The following IGFN1 variants were observed in gnomAD, a reference collection of about 807,000 sequenced individuals.
IGFN1 encodes immunoglobulin like and fibronectin type III domain containing 1, also known as immunoglobulin-like and fibronectin type III domain-containing protein 1.
Under a neutral mutation model 289.5 loss-of-function variants are expected in IGFN1, and 253 were observed. The ratio of observed to expected loss-of-function variants is 0.87; its 90% CI spans 0.79 to 0.97. The LOEUF (loss-of-function observed/expected upper bound fraction) is 0.97, where lower values mean the gene tolerates loss of function less well. Among genes scored for constraint, IGFN1 ranks in the 50% least tolerant of loss-of-function variants. The probability of loss-of-function intolerance (pLI) is 0.00; values close to 1 mark genes in which losing one functional copy is unlikely to be tolerated. For missense variants in IGFN1, 4,470 were observed against 4,686.1 expected (o/e 0.95, Z 1.35); for synonymous variants, 1,706 against 1,788.5 (o/e 0.95, Z 1.16).
intron 17 of IGFN1, 40 bp from the exon 18 acceptor site, chr1:201,218,490 C>T: frequency 1.3e-6 from 2 of 1,594,824 alleles, no homozygotes; most frequent in Middle Eastern, 2.0e-4. Context: ...CCATGTCCAG[C>T]ACCATCAGGG....
chr1:201,217,553 G>A (rs1246318028), intron 17 of IGFN1, 93 bp downstream of exon 17: 14 of 1,352,076 alleles, frequency 1.0e-5, no homozygotes, highest in Middle Eastern at 1.9e-4. Context: ...TAATACAGTC[G>A]TTCTCGTCTA....
Position 201,213,599 on chromosome 1 carries a change from C to T in IGFN1, c.8706C>T (p.Gly2902=). 1 of 1,613,736 alleles carries T rather than the reference C, an allele frequency of 6.2e-7. No individual in the cohort carries two copies. The highest frequency in any genetic ancestry group is 8.5e-7 in the Non-Finnish European group (1 of 1,179,768). The change falls in exon 12 of 24, where the codon GGC becomes GGT. Residue 2902 remains glycine, a synonymous_variant. Transcript: ENST00000335211. ...SSTSRYKPGT[G]SFSKDAQGPM... ...CATCCAGATACAAGCCTGGCACTGGCAGTTTCTCCAAGGATGCCCAAGGTA... is the reference window on the plus strand; with the variant it reads ...CATCCAGATACAAGCCTGGCACTGGTAGTTTCTCCAAGGATGCCCAAGGTA...
chr1:201,228,165 C>T lies in IGFN1; in HGVS notation c.11114-221C>T, dbSNP rs375131000. 3.9e-3 allele frequency among the ~76,000 whole-genome samples: 587 copies of T among 152,282 alleles called. 3 individuals are homozygous for T. Among genetic ancestry groups the T allele is most frequent in the African/African-American group, 0.011 (477 of 41,544 alleles). Reference sequence around the variant, plus strand: ...CCCAGCTTGTGTACACATGTAGTCCCGGAACGAAGATGGCATTGGGGGTGA... The same window carrying T: ...CCCAGCTTGTGTACACATGTAGTCCTGGAACGAAGATGGCATTGGGGGTGA... On this transcript the variant is annotated intron_variant, in intron 23 of 23. Transcript: ENST00000335211.
At position 201,208,120 on chromosome 1, in the gene IGFN1, G is replaced by A. The variant is rs1667522502; in HGVS notation, c.3227G>A (p.Gly1076Asp). ...AGGGGAGGGCACCATTCAGATGGTG[G>A]CCTAGGGAGTCCTGGGGTGACAGGG... The part of the protein sequence containing the change: ...DPRGGHHSDG[G>D]LGSPGVTGSA... The change falls in exon 12 of 24, where the codon GGC becomes GAC. Residue 1076 changes from glycine to aspartate, a missense_variant. Coordinates refer to ENST00000335211, the MANE Select transcript of IGFN1 (RefSeq NM_001164586.2). The A allele has an allele frequency of 1.3e-6, 2 of 1,536,798 alleles. No homozygotes were observed. The highest frequency in any genetic ancestry group is 1.7e-6 in the Non-Finnish European group (2 of 1,146,794).
Position 201,224,844 on chromosome 1 carries a change from G to T in IGFN1, c.10456G>T (p.Val3486Phe). ...GCTGAGGACCCTGCAGGGGAAGGAGGTTGCCCACAGCTTCCGTATCAGGGT... is the reference window on the plus strand; with the variant it reads ...GCTGAGGACCCTGCAGGGGAAGGAGTTTGCCCACAGCTTCCGTATCAGGGT... ...VVLRTLQGKE[V>F]AHSFRIRVAA... Residue 3486 changes from valine (V) to phenylalanine (F), a missense_variant, in exon 21 of 24, where the codon GTT (valine) becomes TTT (phenylalanine). Coordinates refer to ENST00000335211, the MANE Select transcript of IGFN1 (RefSeq NM_001164586.2). The T allele has an allele frequency of 6.2e-7, 1 of 1,613,762 alleles. No individual in the cohort carries two copies. Among genetic ancestry groups the T allele is most frequent in the South Asian group, 1.1e-5 (1 of 90,956 alleles).
At chr1:201,205,970 C>A in intron 11 of IGFN1, 113 bp from the exon 12 acceptor site, 1 of 769,966 alleles carries the variant, frequency 1.3e-6, no homozygotes, top group Non-Finnish European at 2.1e-6. Context: ...CCAGGTCAGG[C>A]AAGCAGCTGG....
At chr1:201,225,377 T>TCAC (rs1273706105) in intron 21 of IGFN1, among the ~76,000 whole-genome samples, 1 of 152,212 alleles carries the variant, frequency 6.6e-6, no homozygotes, top group African/African-American at 2.4e-5. Context: ...TGCCTTGTCC[T>TCAC]GTGTCATTTT....
intron 20 of IGFN1, among the ~76,000 whole-genome samples, chr1:201,224,414 G>A (rs1299448119): frequency 6.6e-6 from 1 of 152,100 alleles, no homozygotes; most frequent in Non-Finnish European, 1.5e-5. Flanking sequence ...GACGTGGAGG[G>A]CACTTTGCAT....
At chr1:201,221,226 T>TC (rs1300599250) in intron 18 of IGFN1, among the ~76,000 whole-genome samples, 1 of 152,168 alleles carries the variant, frequency 6.6e-6, no homozygotes, top group Non-Finnish European at 1.5e-5. Context: ...GAGGGAGGCT[T>TC]CCTGGTGGAG....
chr1:201,193,415 G>GT (rs544250285), intron 2 of IGFN1, 115 bp downstream of exon 2: 51 of 703,042 alleles, frequency 7.3e-5, no homozygotes, highest in South Asian at 1.1e-4. Flanking sequence ...TCTTGTTGTT[G>GT]TTTTTTTTCT....
chr1:201,210,847 G>C lies in IGFN1; in HGVS notation c.5954G>C (p.Gly1985Ala), dbSNP rs1571463969. 6.5e-7 allele frequency: 1 copy of C among 1,535,290 alleles called. No homozygotes were observed. Among genetic ancestry groups the C allele is most frequent in the East Asian group, 2.5e-5 (1 of 40,736 alleles). Reference protein sequence around the residue: ...GSKEGFRDGLGGSEEMGSMDE... With the variant: ...GSKEGFRDGLAGSEEMGSMDE... ...AAGGAAGGTTTCAGGGATGGTTTAG[G>C]GGGTTCTGAGGAAATGGGGTCAATG... Residue 1985 changes from glycine to alanine, a missense_variant, in exon 12 of 24, where the codon GGG becomes GCG. This residue lies in a region of IGFN1 where 108 missense variants were observed against 128.7 expected (regional missense o/e 0.84). Transcript: ENST00000335211.
At position 201,210,908 on chromosome 1, in the gene IGFN1, T is replaced by C. The variant is rs1406722660; in HGVS notation, c.6015T>C (p.Pro2005=). ...GTTATAGGAAGGATTTGGGGGCTCC[T>C]GAGGGAATAGGTTCAGGGAGTAAGG... is the stretch of plus-strand genomic sequence containing the variant. ...EAGYRKDLGA[P]EGIGSGSKAG... is the part of the protein sequence containing the mutation. The change falls in exon 12 of 24, where the codon CCT becomes CCC. Residue 2005 remains proline (P), a synonymous_variant. Transcript: ENST00000335211. 6.7e-7 allele frequency: 1 copy of C among 1,484,744 alleles called. No individual in the cohort carries two copies. The highest frequency in any genetic ancestry group is 9.0e-7 in the Non-Finnish European group (1 of 1,114,862). The allele number at this position is 1,484,744 out of a possible 1,614,324, so 92.0% of individuals were successfully genotyped here. A position where few individuals can be genotyped will look rare whatever the true frequency, so the allele number is the denominator to read the frequency against.
At chr1:201,200,479 A>G (rs1157929427) in intron 8 of IGFN1, 68 bp downstream of exon 8, 2 of 1,306,164 alleles carry the variant, frequency 1.5e-6, no homozygotes, top group African/African-American at 1.5e-5. Context: ...GGTGCCTCAC[A>G]CCTGGAGGTG....
chr1:201,202,547 G>A (rs1011341801), intron 9 of IGFN1, among the ~76,000 whole-genome samples: 21 of 151,818 alleles, frequency 1.4e-4, no homozygotes, highest in East Asian at 3.9e-4. Context: ...CCCCGATATC[G>A]ACAGGGCTAA....
At chr1:201,225,019 T>C in intron 21 of IGFN1, 145 bp downstream of exon 21, 1 of 592,240 alleles carries the variant, frequency 1.7e-6, no homozygotes, top group Non-Finnish European at 2.8e-6. Context: ...TCCTCCATGC[T>C]TGATGATAGA....
At chr1:201,225,453 C>A (rs1815136) in intron 21 of IGFN1, among the ~76,000 whole-genome samples, 1 of 151,760 alleles carries the variant, frequency 6.6e-6, no homozygotes, top group East Asian at 1.9e-4. Flanking sequence ...ATTAGCCGAG[C>A]GTGGTGGTGG....
At chr1:201,196,750 C>CCTGG (rs1666938252) in intron 4 of IGFN1, among the ~76,000 whole-genome samples, 1 of 152,194 alleles carries the variant, frequency 6.6e-6, no homozygotes, top group Non-Finnish European at 1.5e-5. Context: ...ATTATAAATA[C>CCTGG]TAACCATGGG....
rs1398637347 is a variant in IGFN1 at position 201,201,831 on chromosome 1, A to AG, written c.747+1dup. 2.4e-5 allele frequency: 24 copies of AG among 1,003,390 alleles called. No homozygotes were observed. The highest frequency in any genetic ancestry group is 1.1e-4 in the Admixed American group (5 of 46,782). The allele number at this position is 1,003,390 out of a possible 1,614,324, so 62.2% of individuals were successfully genotyped here. On this transcript the variant is annotated frameshift_variant and splice_region_variant, in exon 9 of 24. Transcript: ENST00000335211. LOFTEE classifies it high-confidence loss of function. ...TCTCAGAGCAAGATTTACCTGTATA[A>AG]GGTGAGGCTGGAGGGGCTATGGGTG...
chr1:201,199,973 T>C (rs1667076462), intron 7 of IGFN1, among the ~76,000 whole-genome samples: 2 of 152,022 alleles, frequency 1.3e-5, no homozygotes, highest in East Asian at 3.9e-4. Flanking sequence ...ACACCCACTT[T>C]CCCCAGACAT....
Sources: allele counts gnomAD v4.1 joint callset (sites outside exome capture counted in the v4.1 genomes callset), GRCh38; gene constraint gnomAD v4.1.1; regional missense constraint gnomAD v4.1.1; transcripts MANE v1.5; gene names NCBI Gene and HGNC (gene_info 2026-07-23, HGNC 2026-07-21).